Variants in SPATA22 observed in about 807,000 individuals in gnomAD.
SPATA22 encodes spermatogenesis-associated protein 22.
In SPATA22, 29 loss-of-function variants were observed where a neutral mutation model predicts 47.8. The ratio of observed to expected loss-of-function variants is 0.61; its 90% CI spans 0.45 to 0.83. The LOEUF is 0.83. Ranked by LOEUF, SPATA22 falls within the 40% of genes least tolerant of loss-of-function variation. The pLI is 0.00. For synonymous variants in SPATA22, 133 were observed against 140.9 expected (o/e 0.94, Z 0.40); for missense variants, 410 against 421.7 (o/e 0.97, Z 0.24).
At chr17:3,499,335 G>C (rs2073962988) in intron 1 of SPATA22, 1 of 327,460 alleles carries the variant, frequency 3.1e-6, no homozygotes, top group African/African-American at 2.1e-5. Flanking sequence ...ATGATACTTG[G>C]GTAGCTCAAC....
At chr17:3,450,527 T>C (rs573528209) in intron 5 of SPATA22, among the ~76,000 whole-genome samples, 2 of 152,178 alleles carry the variant, frequency 1.3e-5, no homozygotes, top group African/African-American at 4.8e-5. Flanking sequence ...ATTTTGTAAT[T>C]TTTTTGGACT....
intron 5 of SPATA22, among the ~76,000 whole-genome samples, chr17:3,454,416 A>G (rs2072936896): frequency 6.6e-6 from 1 of 152,030 alleles, no homozygotes. Context: ...CATCTTTAGC[A>G]TTAGGTATAT....
At chr17:3,453,278 T>C (rs1482902338) in intron 5 of SPATA22, among the ~76,000 whole-genome samples, 1 of 152,208 alleles carries the variant, frequency 6.6e-6, no homozygotes, top group African/African-American at 2.4e-5. Context: ...ACCGCTTATA[T>C]TTAAAGTGAA....
intron 3 of SPATA22, among the ~76,000 whole-genome samples, chr17:3,465,791 A>AAAAAAAAAC (rs945811926): frequency 5.4e-5 from 4 of 73,592 alleles, no homozygotes; most frequent in Non-Finnish European, 2.1e-4. Context: ...ATAAAAATTT[A>AAAAAAAAAC]AAAAACAAAA....
chr17:3,490,562 C>G lies in SPATA22; in HGVS notation c.-73-21164G>C, dbSNP rs979732745. Among the ~76,000 whole-genome samples, 1 of 152,110 alleles carries G rather than the reference C, an allele frequency of 6.6e-6. No individual in the cohort carries two copies. Among genetic ancestry groups the G allele is most frequent in the African/African-American group, 2.4e-5 (1 of 41,416 alleles). ...GTGCGCACCCCACTGCAATCACAGA[C>G]ATTCGTTTTGTGCTTGGGAATCCTT... On this transcript the variant is annotated intron_variant, in intron 1 of 8. Transcript: ENST00000541913. The surrounding 1 kb of genome is among the most constrained non-coding windows in gnomAD (Gnocchi z 4.6).
In SPATA22 at chr17:3,448,913, C is replaced by A; in HGVS notation, c.566G>T (p.Arg189Ile). The A allele has an allele frequency of 6.2e-7, 1 of 1,613,984 alleles. No individual in the cohort carries two copies. Among genetic ancestry groups the A allele is most frequent in the Non-Finnish European group, 8.5e-7 (1 of 1,179,962 alleles). Residue 189 changes from arginine (R) to isoleucine (I), a missense_variant, in exon 6 of 9, where the codon AGA becomes ATA. Arg to Ile is a moderately conservative substitution (Grantham distance 97). Coordinates refer to ENST00000572969, the MANE Select transcript of SPATA22 (RefSeq NM_001170698.2). ...HSSKISGCTM[R>I]GLDKNSALQT... ...TAGTGCACTGTTTTTGTCTAGCCCT[C>A]TCATTGTGCAGCCAGATATTTTTGA...
chr17:3,461,724 A>C (rs1333993231), intron 5 of SPATA22, among the ~76,000 whole-genome samples: 1 of 152,236 alleles, frequency 6.6e-6, no homozygotes, highest in Non-Finnish European at 1.5e-5. Flanking sequence ...TCTTTATATA[A>C]TAAAAATGAG....
chr17:3,470,644 G>A (rs1483121663), intron 1 of SPATA22, among the ~76,000 whole-genome samples: 3 of 151,758 alleles, frequency 2.0e-5, no homozygotes, highest in East Asian at 3.9e-4. Context: ...CCAGCTACTC[G>A]TGAGGCTGAG....
intron 1 of SPATA22, chr17:3,471,281 C>G (rs540455069): frequency 4.7e-4 from 150 of 318,368 alleles, no homozygotes; most frequent in Non-Finnish European, 6.3e-4. Flanking sequence ...CTTTCTCCAC[C>G]GGCGCAACTC....
chr17:3,485,485 C>G lies in SPATA22; in HGVS notation c.-73-16087G>C, dbSNP rs192990077. Reference sequence around the variant, plus strand: ...CCGAGATCATGCCATTGCACTCCAGCCGGGGCAACAAAAGTGAAACTCCGT... The same window carrying G: ...CCGAGATCATGCCATTGCACTCCAGGCGGGGCAACAAAAGTGAAACTCCGT... On this transcript the variant is annotated intron_variant, in intron 1 of 8. Coordinates refer to the SPATA22 transcript ENST00000541913. The surrounding 1 kb of genome is among the most constrained non-coding windows in gnomAD (Gnocchi z 4.4). Among the ~76,000 whole-genome samples the G allele has an allele frequency of 9.2e-5, 14 of 152,276 alleles. No homozygotes were observed. Among genetic ancestry groups the G allele is most frequent in the Admixed American group, 7.8e-4 (12 of 15,302 alleles).
At chr17:3,503,035 CT>C in intron 1 of SPATA22, 1 of 152,344 alleles carries the variant, frequency 6.6e-6, no homozygotes, top group Non-Finnish European at 1.5e-5. Context: ...CTCAAAGGAC[CT>C]TCTGCTGGAC....
intron 1 of SPATA22, among the ~76,000 whole-genome samples, chr17:3,495,411 T>A (rs924141762): frequency 2.0e-5 from 3 of 152,196 alleles, no homozygotes; most frequent in Non-Finnish European, 4.4e-5. Flanking sequence ...CTATCCCTGT[T>A]TAGTGACTCT....
At chr17:3,473,225 T>G (rs12940665), upstream of SPATA22, among the ~76,000 whole-genome samples, 56,036 of 152,054 alleles carry the variant, frequency 0.37, 13,166 homozygotes, top group Non-Finnish European at 0.54. Flanking sequence ...TACTTGTCTT[T>G]TTCTGCTTAT....
intron 1 of SPATA22, chr17:3,499,205 T>TACCGAATAAGGCACTG: frequency 1.9e-6 from 2 of 1,067,052 alleles, no homozygotes; most frequent in Non-Finnish European, 2.7e-6. Context: ...GCACAGTGCC[T>TACCGAATAAGGCACTG]TATTCGGTAG....
In SPATA22 at chr17:3,449,050, T is replaced by C; in HGVS notation, c.429A>G (p.Lys143=). 1 of 1,614,014 alleles carries C rather than the reference T, an allele frequency of 6.2e-7. No individual in the cohort carries two copies. Among genetic ancestry groups the C allele is most frequent in the Non-Finnish European group, 8.5e-7 (1 of 1,179,952 alleles). ...CTCCCGAACTCACTGGACAAGAATT[T>C]TTTCCATCATTTGCCACTAAGTTTG... The part of the protein sequence containing the change: ...KRTNLVANDG[K]NSCPVSSGAQ... Residue 143 remains lysine, a synonymous_variant, in exon 6 of 9, where the codon AAA becomes AAG. Coordinates refer to ENST00000572969, the MANE Select transcript of SPATA22 (RefSeq NM_001170698.2).
chr17:3,449,863 T>G (rs1597390493), intron 5 of SPATA22, among the ~76,000 whole-genome samples: 3 of 152,222 alleles, frequency 2.0e-5, no homozygotes, highest in African/African-American at 7.2e-5. Flanking sequence ...TTTTTTTTTT[T>G]TCTCTTGGAG....
intron 1 of SPATA22, among the ~76,000 whole-genome samples, chr17:3,476,929 G>A (rs1416074246): frequency 6.6e-6 from 1 of 152,178 alleles, no homozygotes; most frequent in African/African-American, 2.4e-5. Flanking sequence ...GCCGAGGCAG[G>A]CGGATCACGA....
chr17:3,489,301 T>C lies in SPATA22; in HGVS notation c.-73-19903A>G. Reference sequence around the variant, plus strand: ...GATATCTTGGATCAAATGAGAAAAATGATTAAACATGCTCTTGATTTTATA... The same window carrying C: ...GATATCTTGGATCAAATGAGAAAAACGATTAAACATGCTCTTGATTTTATA... On this transcript the variant is annotated intron_variant, in intron 1 of 8. Coordinates refer to the SPATA22 transcript ENST00000541913. The C allele has an allele frequency of 6.2e-7, 1 of 1,613,210 alleles. No individual in the cohort carries two copies. Among genetic ancestry groups the C allele is most frequent in the Non-Finnish European group, 8.5e-7 (1 of 1,179,684 alleles).
intron 1 of SPATA22, among the ~76,000 whole-genome samples, chr17:3,509,127 T>A (rs1006069329): frequency 3.3e-5 from 5 of 151,940 alleles, no homozygotes; most frequent in Non-Finnish European, 7.4e-5. Context: ...GGTGGAACCA[T>A]GGGTTTCTAT....
Sources: allele counts gnomAD v4.1 joint callset (sites outside exome capture counted in the v4.1 genomes callset), GRCh38; gene constraint gnomAD v4.1.1; non-coding constraint Gnocchi (gnomAD v3.1); transcripts MANE v1.5; gene names NCBI Gene and HGNC (gene_info 2026-07-23, HGNC 2026-07-21).